The following KIAA1217 variants were observed in gnomAD, a reference collection of about 807,000 sequenced individuals.
KIAA1217 encodes the protein sickle tail protein homolog.
A neutral mutation model predicts 163.9 loss-of-function variants in KIAA1217; 88 were observed. The observed-to-expected ratio is 0.54, with a 90% CI of 0.45 to 0.64. KIAA1217 has a LOEUF of 0.64. Among genes scored for constraint, KIAA1217 ranks in the 30% least tolerant of loss-of-function variants. The pLI is 0.00. For synonymous variants in KIAA1217, 903 were observed against 923.1 expected (o/e 0.98, Z 0.39); for missense variants, 2,372 against 2,475.0 (o/e 0.96, Z 0.88).
intron 2 of KIAA1217, among the ~76,000 whole-genome samples, chr10:24,366,479 G>A (rs1016721165): frequency 6.6e-6 from 1 of 152,174 alleles, no homozygotes; most frequent in Non-Finnish European, 1.5e-5. Context: ...TAAAGTCAGT[G>A]GCATCAATGA....
chr10:24,415,401 C>A (rs920051534), intron 3 of KIAA1217, among the ~76,000 whole-genome samples: 2 of 151,986 alleles, frequency 1.3e-5, no homozygotes, highest in African/African-American at 4.8e-5. Flanking sequence ...AGTCATGAGC[C>A]ACCACACCCA....
intron 1 of KIAA1217, among the ~76,000 whole-genome samples, chr10:23,835,705 T>G (rs1158168559): frequency 6.6e-6 from 1 of 152,206 alleles, no homozygotes; most frequent in Non-Finnish European, 1.5e-5. Context: ...TCCTTTTATC[T>G]TCTAGCCTCA....
chr10:24,204,173 T>A (rs58989221), upstream of KIAA1217, among the ~76,000 whole-genome samples: 1 of 152,052 alleles, frequency 6.6e-6, no homozygotes, highest in African/African-American at 2.4e-5. Flanking sequence ...ATAGGGAGAT[T>A]TGAGTGTTGG....
chr10:23,873,915 A>T (rs1335683989), intron 1 of KIAA1217, among the ~76,000 whole-genome samples: 1 of 152,076 alleles, frequency 6.6e-6, no homozygotes, highest in East Asian at 1.9e-4. Flanking sequence ...TTGTTTCATC[A>T]GTGAAGTGAA....
intron 10 of KIAA1217, among the ~76,000 whole-genome samples, chr10:24,516,940 G>A (rs552332509): frequency 1.3e-4 from 20 of 152,150 alleles, no homozygotes; most frequent in African/African-American, 3.4e-4. Context: ...TGGGAAGATC[G>A]CTTGAGCCCA....
chr10:24,173,555 A>G (rs1317087096), intron 2 of KIAA1217, among the ~76,000 whole-genome samples: 1 of 152,164 alleles, frequency 6.6e-6, no homozygotes, highest in Non-Finnish European at 1.5e-5. Context: ...TACTTAGATG[A>G]TATCATAATA....
intron 1 of KIAA1217, among the ~76,000 whole-genome samples, chr10:24,003,676 T>C (rs1047002829): frequency 2.0e-5 from 3 of 152,310 alleles, no homozygotes; most frequent in African/African-American, 4.8e-5. Flanking sequence ...ACAACTGCTT[T>C]TCTCACAAAT....
chr10:24,544,887 C>A, intron 19 of KIAA1217, 94 bp from the exon 20 acceptor site: 1 of 1,401,772 alleles, frequency 7.1e-7, no homozygotes, highest in Admixed American at 2.0e-5. Context: ...TGGCTTCTCA[C>A]CTTGAGCTTC....
intron 2 of KIAA1217, among the ~76,000 whole-genome samples, chr10:24,054,737 T>G (rs1849763779): frequency 6.6e-6 from 1 of 152,166 alleles, no homozygotes; most frequent in Non-Finnish European, 1.5e-5. Flanking sequence ...CATAGCCTAC[T>G]ACACACCTAG....
At chr10:23,915,490 A>G (rs1842599369) in intron 1 of KIAA1217, among the ~76,000 whole-genome samples, 1 of 152,170 alleles carries the variant, frequency 6.6e-6, no homozygotes, top group Admixed American at 6.5e-5. Flanking sequence ...ATGAAATCCA[A>G]ATAAAGTGTG....
intron 2 of KIAA1217, among the ~76,000 whole-genome samples, chr10:24,073,196 CAGA>C (rs374025577): frequency 1.6e-3 from 238 of 152,168 alleles, no homozygotes; most frequent in African/African-American, 5.4e-3. Flanking sequence ...AGCGCTGGGG[CAGA>C]AGAAGAGAAA....
chr10:24,528,222 A>C (rs994244385), intron 14 of KIAA1217, 103 bp downstream of exon 14: 1 of 876,996 alleles, frequency 1.1e-6, no homozygotes, highest in Non-Finnish European at 1.7e-6. Flanking sequence ...CCAATGTCTC[A>C]GTTCTTACAA....
chr10:24,092,038 A>G (rs1160737939), intron 2 of KIAA1217, among the ~76,000 whole-genome samples: 1 of 151,678 alleles, frequency 6.6e-6, no homozygotes, highest in Non-Finnish European at 1.5e-5. Flanking sequence ...CCATCCTACC[A>G]GAAACCTCAC....
chr10:24,249,197 G>T (rs1177965690), intron 2 of KIAA1217, among the ~76,000 whole-genome samples: 1 of 152,084 alleles, frequency 6.6e-6, no homozygotes, highest in East Asian at 1.9e-4. Flanking sequence ...TCATAAAATA[G>T]CTCAGTTCTG....
chr10:23,936,162 A>G lies in KIAA1217; in HGVS notation c.-320-71063A>G, dbSNP rs536062047. On this transcript the variant is annotated intron_variant, in intron 1 of 18. Transcript: ENST00000376462. ...GCAGGTCAGTAAATTATCTGGCTACAGTCTTCTCAGTTATTCCAGTCAGCT... is the reference window on the plus strand; with the variant it reads ...GCAGGTCAGTAAATTATCTGGCTACGGTCTTCTCAGTTATTCCAGTCAGCT... Among the ~76,000 whole-genome samples, 11 of 152,326 alleles carry G rather than the reference A, an allele frequency of 7.2e-5. No homozygotes were observed. In the South Asian group the frequency reaches 1.7e-3, roughly 23 times the overall value.
chr10:24,244,764 C>T (rs1008194849), intron 2 of KIAA1217, among the ~76,000 whole-genome samples: 3 of 151,744 alleles, frequency 2.0e-5, no homozygotes, highest in South Asian at 2.1e-4. Flanking sequence ...AGGGTTTTGC[C>T]GTGTTACCCA....
At chr10:24,361,435 A>AC (rs2049986260) in intron 2 of KIAA1217, among the ~76,000 whole-genome samples, 1 of 152,078 alleles carries the variant, frequency 6.6e-6, no homozygotes, top group Non-Finnish European at 1.5e-5. Flanking sequence ...CGATCTTCCC[A>AC]CCTTGGCCTC....
chr10:23,732,503 G>A (rs996408428), intron 1 of KIAA1217, among the ~76,000 whole-genome samples: 3 of 152,054 alleles, frequency 2.0e-5, no homozygotes, highest in Non-Finnish European at 4.4e-5. Context: ...GTATACAGGA[G>A]GATGTGTGCT....
rs188104074 is a variant in KIAA1217, at chr10:24,272,899, G to A, written c.354+52990G>A. Among the ~76,000 whole-genome samples the A allele has an allele frequency of 5.9e-3, 897 of 152,230 alleles. 4 individuals carry two copies. The highest frequency in any genetic ancestry group is 7.2e-3 in the Non-Finnish European group (489 of 68,014). On this transcript the variant is annotated intron_variant, in intron 2 of 20. Transcript: ENST00000376454. ...AAAAGTCTTAATGAAAAGAGCAAAC[G>A]TGGAATAGCATCCACCCCAGTTCTT...
Sources: gnomAD v4.1 joint callset for allele counts (sites outside exome capture counted in the v4.1 genomes callset) on GRCh38, gnomAD v4.1.1 for gene constraint, MANE v1.5 for transcripts, NCBI Gene and HGNC (gene_info 2026-07-23, HGNC 2026-07-21) for gene names.